ARHGEF17: variants seen among roughly 807,000 people sequenced by gnomAD.
ARHGEF17 encodes Rho guanine nucleotide exchange factor 17.
ARHGEF17 carries 80 observed loss-of-function variants against 174.0 expected under a neutral mutation model. That is an observed-to-expected ratio of 0.46 (90% confidence interval 0.38 to 0.55). The LOEUF is 0.55. ARHGEF17 is among the 20% of genes least tolerant of loss of function. The probability of loss-of-function intolerance (pLI) is 0.00; values close to 1 mark genes in which losing one functional copy is unlikely to be tolerated. For missense variants in ARHGEF17, 2,886 were observed against 2,839.7 expected, an observed-to-expected ratio of 1.02 and a Z score of -0.37; for synonymous variants, 1,311 against 1,189.1, an observed-to-expected ratio of 1.10 and a Z score of -2.11.
At chr11:73,338,216 G>A (rs73542457) in intron 1 of ARHGEF17, among the ~76,000 whole-genome samples, 1 of 152,264 alleles carries the variant, frequency 6.6e-6, no homozygotes, top group African/African-American at 2.4e-5. Context: ...AGAAGACAGA[G>A]TCCTCAAGCA....
intron 11 of ARHGEF17, among the ~76,000 whole-genome samples, chr11:73,360,878 A>G (rs1422213877): frequency 1.3e-5 from 2 of 152,234 alleles, no homozygotes; most frequent in Non-Finnish European, 2.9e-5. Context: ...GAAGATCCAC[A>G]GAGACCTCTG....
chr11:73,311,078 G>C lies in ARHGEF17; in HGVS notation c.2440G>C (p.Val814Leu). The C allele has an allele frequency of 3.1e-6, 5 of 1,611,784 alleles. No homozygotes were observed. The highest frequency in any genetic ancestry group is 4.2e-6 in the Non-Finnish European group (5 of 1,178,134). ...VQGPGTLGRV[V>L]DDRIAGKAPK... Reference sequence around the variant, plus strand: ...GGGGCCTGGCACCCTGGGGCGTGTGGTGGACGACAGGATTGCTGGCAAAGC... The same window carrying C: ...GGGGCCTGGCACCCTGGGGCGTGTGCTGGACGACAGGATTGCTGGCAAAGC... Residue 814 changes from valine (V) to leucine (L), a missense_variant, in exon 1 of 21, where the codon GTG becomes CTG. This residue lies in a region of ARHGEF17 where 1,728 missense variants were observed against 1,461.2 expected (regional missense o/e 1.18). Transcript: ENST00000263674.
In ARHGEF17 at chr11:73,311,507, G is replaced by A. The variant is rs200820544; in HGVS notation, c.2869G>A (p.Val957Ile). The part of the protein sequence containing the change: ...LSRARPSSRH[V>I]RHASVPATFM... ...TCGGGCCCGGCCCTCCTCCAGACAC[G>A]TTCGCCATGCCAGTGTGCCCGCCAC... is the stretch of plus-strand genomic sequence containing the variant. The change falls in exon 1 of 21, where the codon GTT (valine) becomes ATT (isoleucine). Residue 957 changes from valine to isoleucine, a missense_variant. Transcript: ENST00000263674. 4.2e-5 allele frequency: 68 copies of A among 1,613,132 alleles called. No homozygotes were observed. The East Asian group carries it at 1.0e-3, about 24-fold the overall frequency.
intron 1 of ARHGEF17, among the ~76,000 whole-genome samples, chr11:73,345,038 T>C (rs1865437249): frequency 6.6e-6 from 1 of 152,154 alleles, no homozygotes; most frequent in African/African-American, 2.4e-5. Context: ...TGTGGGGTGC[T>C]GAGATGTCCC....
At position 73,359,881 on chromosome 11, in the gene ARHGEF17, C is replaced by A. The variant is rs139549146; in HGVS notation, c.4135C>A (p.Arg1379Ser). The A allele has an allele frequency of 1.2e-6, 2 of 1,613,532 alleles. No homozygotes were observed. The highest frequency in any genetic ancestry group is 1.3e-5 in the African/African-American group (1 of 75,030). Residue 1379 changes from arginine (R) to serine (S), a missense_variant, in exon 10 of 21, where the codon CGC becomes AGC. Coordinates refer to ENST00000263674, the MANE Select transcript of ARHGEF17 (RefSeq NM_014786.4). ...GGAGAACATCCAGAAGGCCATCAGC[C>A]GCCTTGATGAGGACCTCACCACCCT... ...NRENIQKAIS[R>S]LDEDLTTLGQ...
In ARHGEF17 at chr11:73,313,790, T is replaced by C. The variant is rs959772814; in HGVS notation, c.3192+1960T>C. On this transcript the variant is annotated intron_variant, in intron 1 of 20. Coordinates refer to ENST00000263674, the MANE Select transcript of ARHGEF17 (RefSeq NM_014786.4). ...TCCCTGTGTGGCCTAGGATCCATCA[T>C]ATCCCTGCTCTGTGCCTCACTTCCC... Among the ~76,000 whole-genome samples the C allele has an allele frequency of 5.3e-5, 8 of 152,210 alleles. 1 individual carries two copies. Among genetic ancestry groups the C allele is most frequent in the Non-Finnish European group, 1.2e-4 (8 of 68,020 alleles).
intron 1 of ARHGEF17, 125 bp downstream of exon 1, chr11:73,311,955 C>A: frequency 9.5e-7 from 1 of 1,053,586 alleles, no homozygotes; most frequent in Non-Finnish European, 1.3e-6. Context: ...CTTTTCTGGT[C>A]CTGGAAGTGC....
At chr11:73,363,518 CAT>C in intron 15 of ARHGEF17, 63 bp downstream of exon 15, 3 of 1,562,058 alleles carry the variant, frequency 1.9e-6, no homozygotes, top group South Asian at 1.2e-5. Flanking sequence ...CTCTGGAAAT[CAT>C]GTGGTCCCCT....
At chr11:73,312,930 A>T (rs1864865394) in intron 1 of ARHGEF17, among the ~76,000 whole-genome samples, 1 of 152,090 alleles carries the variant, frequency 6.6e-6, no homozygotes. Context: ...TCCAGATGGC[A>T]TATGCCCTGG....
chr11:73,330,366 C>G (rs1186190738), intron 1 of ARHGEF17, among the ~76,000 whole-genome samples: 1 of 152,220 alleles, frequency 6.6e-6, no homozygotes, highest in South Asian at 2.1e-4. Flanking sequence ...GTAATTCTCT[C>G]ATATTTTTTC....
Position 73,363,354 on chromosome 11 carries a change from C to T in ARHGEF17, c.5145C>T (p.Arg1715=), listed in dbSNP as rs200676097. Residue 1715 remains arginine (R), a synonymous_variant, in exon 15 of 21, where the codon CGC becomes CGT. Coordinates refer to ENST00000263674, the MANE Select transcript of ARHGEF17 (RefSeq NM_014786.4). ...CAATGGATGGGAGAGCCCTTCGCCG[C>T]TCCAGCCACGGCTCCTTCACCCGGG... is the stretch of plus-strand genomic sequence containing the variant. ...TSPMDGRALR[R]SSHGSFTRGS... is the part of the protein sequence containing the mutation. 7.6e-5 allele frequency: 123 copies of T among 1,612,972 alleles called. No homozygotes were observed. The highest frequency in any genetic ancestry group is 4.2e-4 in the Admixed American group (25 of 59,998).
intron 1 of ARHGEF17, among the ~76,000 whole-genome samples, chr11:73,346,365 C>G (rs142082713): frequency 6.6e-6 from 1 of 152,316 alleles, no homozygotes; most frequent in East Asian, 1.9e-4. Flanking sequence ...TCAGCACTGA[C>G]TTCCCCTCTC....
rs760079262 is a variant in ARHGEF17, at chr11:73,310,553, C to T, written c.1915C>T (p.Pro639Ser). ...GCGGTCCCAGGAGGAGCTCTCAGGC[C>T]CTGAGTCCAGTCTGACAGATGAAGG... Reference protein sequence around the residue: ...GQRSQEELSGPESSLTDEGIG... With the variant: ...GQRSQEELSGSESSLTDEGIG... Residue 639 changes from proline (P) to serine (S), a missense_variant, in exon 1 of 21, where the codon CCT becomes TCT. Transcript: ENST00000263674. 2 of 1,614,042 alleles carry T rather than the reference C, an allele frequency of 1.2e-6. No homozygotes were observed. The highest frequency in any genetic ancestry group is 2.2e-5 in the East Asian group (1 of 44,884).
intron 1 of ARHGEF17, among the ~76,000 whole-genome samples, chr11:73,333,883 G>T (rs1245205711): frequency 6.6e-6 from 1 of 152,216 alleles, no homozygotes; most frequent in Non-Finnish European, 1.5e-5. Flanking sequence ...TATCAAATGC[G>T]TAGAAATGGT....
intron 1 of ARHGEF17, 116 bp from the exon 2 acceptor site, chr11:73,346,767 A>G: frequency 1.3e-6 from 1 of 779,352 alleles, no homozygotes; most frequent in East Asian, 3.3e-5. Context: ...GCAGGAGGGA[A>G]GGGCCAGGAG....
chr11:73,313,173 C>T (rs1323678268), intron 1 of ARHGEF17, among the ~76,000 whole-genome samples: 1 of 152,166 alleles, frequency 6.6e-6, no homozygotes, highest in African/African-American at 2.4e-5. Context: ...ACCCCTGGTC[C>T]TGGCTCTGGG....
intron 1 of ARHGEF17, among the ~76,000 whole-genome samples, chr11:73,314,466 A>G (rs926642263): frequency 6.6e-6 from 1 of 152,156 alleles, no homozygotes; most frequent in Non-Finnish European, 1.5e-5. Flanking sequence ...ACCTGGACAG[A>G]GTCATCTTTG....
intron 2 of ARHGEF17, among the ~76,000 whole-genome samples, chr11:73,351,434 G>A (rs777994954): frequency 6.6e-6 from 1 of 152,052 alleles, no homozygotes; most frequent in Non-Finnish European, 1.5e-5. Context: ...ATCTTTGCAC[G>A]TAGATTTGAC....
Position 73,365,478 on chromosome 11 carries a change from G to T in ARHGEF17, c.5639G>T (p.Ser1880Ile), listed in dbSNP as rs374750905. Residue 1880 changes from serine to isoleucine, a missense_variant, in exon 19 of 21, where the codon AGT becomes ATT. Coordinates refer to ENST00000263674, the MANE Select transcript of ARHGEF17 (RefSeq NM_014786.4). This position sits in a 1 kb window ranked among gnomAD's most constrained non-coding sequence, Gnocchi z 4.9. ...SLGVWVTLKGSAHVCLYHPDT... is the reference protein window; with the variant it reads ...SLGVWVTLKGIAHVCLYHPDT... ...GGTGTGTGGGTGACATTGAAAGGTA[G>T]TGCCCACGTGTGTCTCTACCATCCA... The T allele has an allele frequency of 1.9e-6, 3 of 1,614,092 alleles. No homozygotes were observed. Among genetic ancestry groups the T allele is most frequent in the Non-Finnish European group, 2.5e-6 (3 of 1,180,038 alleles).
Sources: gnomAD v4.1 joint callset for allele counts (sites outside exome capture counted in the v4.1 genomes callset) on GRCh38, gnomAD v4.1.1 for gene constraint, gnomAD v4.1.1 regional missense constraint, Gnocchi (gnomAD v3.1) non-coding constraint, MANE v1.5 for transcripts, NCBI Gene and HGNC (gene_info 2026-07-23, HGNC 2026-07-21) for gene names.